The following ZNF385D variants were observed in gnomAD, a reference collection of about 807,000 sequenced individuals.
ZNF385D encodes the protein zinc finger protein 385D, also known as zinc finger protein 659.
Under a neutral mutation model 35.8 loss-of-function variants are expected in ZNF385D, and 15 were observed. The ratio of observed to expected loss-of-function variants is 0.42; its 90% confidence interval spans 0.28 to 0.64. The LOEUF is 0.64. Among genes scored for constraint, ZNF385D ranks in the 30% least tolerant of loss-of-function variants. ZNF385D has a pLI of 0.23. For missense variants in ZNF385D, 474 were observed against 494.6 expected (o/e 0.96, Z 0.39); for synonymous variants, 212 against 186.8 (o/e 1.13, Z -1.10).
At chr3:21,823,885 A>G (rs1483406195) in intron 3 of ZNF385D, among the ~76,000 whole-genome samples, 3 of 152,228 alleles carry the variant, frequency 2.0e-5, no homozygotes, top group African/African-American at 7.2e-5. Context: ...TTGAACGTCA[A>G]TGTATGCTAA....
chr3:22,206,749 A>G (rs2125252874), intron 2 of ZNF385D, among the ~76,000 whole-genome samples: 1 of 152,088 alleles, frequency 6.6e-6, no homozygotes, highest in African/African-American at 2.4e-5. Flanking sequence ...AACACAATAT[A>G]CCAAAACCTA....
At chr3:21,817,204 A>C (rs1218526167) in intron 3 of ZNF385D, among the ~76,000 whole-genome samples, 1 of 152,192 alleles carries the variant, frequency 6.6e-6, no homozygotes, top group East Asian at 1.9e-4. Flanking sequence ...TAAAGACTTA[A>C]ATGTTAGATG....
intron 2 of ZNF385D, among the ~76,000 whole-genome samples, chr3:22,352,002 C>T (rs1326991063): frequency 6.6e-6 from 1 of 152,066 alleles, no homozygotes; most frequent in East Asian, 1.9e-4. Flanking sequence ...GTTCATGTAG[C>T]CAACATAAAA....
chr3:21,898,973 C>T (rs73820178), intron 3 of ZNF385D, among the ~76,000 whole-genome samples: 2,448 of 152,214 alleles, frequency 0.016, 68 homozygotes, highest in African/African-American at 0.056. Flanking sequence ...CCATTTTCCC[C>T]ATTACAAGCA....
chr3:21,579,399 T>C (rs548608070), intron 2 of ZNF385D: 39 of 152,270 alleles, frequency 2.6e-4, no homozygotes, highest in Middle Eastern at 3.4e-3. Flanking sequence ...CAATATACTT[T>C]AATACATAAA....
intron 2 of ZNF385D, among the ~76,000 whole-genome samples, chr3:22,224,392 T>G (rs569452247): frequency 2.6e-5 from 4 of 152,288 alleles, no homozygotes; most frequent in African/African-American, 7.2e-5. Context: ...TCAAATATCT[T>G]TAGTTGAAGT....
intron 2 of ZNF385D, among the ~76,000 whole-genome samples, chr3:21,589,571 T>C (rs73137031): frequency 0.031 from 4,745 of 152,254 alleles, 238 homozygotes; most frequent in African/African-American, 0.11. Context: ...ACTAAGGACA[T>C]TTGTTCATGC....
chr3:22,186,043 G>A (rs888944071), intron 2 of ZNF385D, among the ~76,000 whole-genome samples: 38 of 151,808 alleles, frequency 2.5e-4, no homozygotes, highest in East Asian at 3.9e-4. Context: ...GCACAACTTG[G>A]GACTTTCCTG....
intron 3 of ZNF385D, among the ~76,000 whole-genome samples, chr3:21,937,711 T>G (rs1292384100): frequency 6.6e-6 from 1 of 152,166 alleles, no homozygotes; most frequent in African/African-American, 2.4e-5. Context: ...CAGCTTGATG[T>G]GAACAAGAAA....
At chr3:22,359,638 A>C (rs1282042897) in intron 2 of ZNF385D, among the ~76,000 whole-genome samples, 2 of 151,906 alleles carry the variant, frequency 1.3e-5, no homozygotes, top group African/African-American at 4.8e-5. Flanking sequence ...AAACTCTGAG[A>C]AAACAGCCTT....
intron 2 of ZNF385D, among the ~76,000 whole-genome samples, chr3:22,316,940 T>C (rs565197129): frequency 1.3e-5 from 2 of 152,058 alleles, no homozygotes; most frequent in East Asian, 3.9e-4. Context: ...AGGGGCTCAG[T>C]CTGGAACTTC....
At chr3:21,754,400 G>A (rs770110379), upstream of ZNF385D, among the ~76,000 whole-genome samples, 2 of 151,952 alleles carry the variant, frequency 1.3e-5, no homozygotes, top group Non-Finnish European at 2.9e-5. Flanking sequence ...GTTCATCTGG[G>A]GTCAGCTGTA....
chr3:21,690,034 A>G (rs2067231336), intron 1 of ZNF385D, among the ~76,000 whole-genome samples: 2 of 152,158 alleles, frequency 1.3e-5, no homozygotes, highest in Non-Finnish European at 2.9e-5. Flanking sequence ...ATATGTTAAA[A>G]TGTATGGCAT....
intron 3 of ZNF385D, among the ~76,000 whole-genome samples, chr3:21,878,405 G>T (rs1698093436): frequency 6.6e-6 from 1 of 152,006 alleles, no homozygotes; most frequent in African/African-American, 2.4e-5. Flanking sequence ...TTTCATGAGT[G>T]CTACAGCAGT....
chr3:21,538,527 T>C (rs547176511), intron 3 of ZNF385D, among the ~76,000 whole-genome samples: 12 of 152,246 alleles, frequency 7.9e-5, no homozygotes, highest in Admixed American at 3.3e-4. Flanking sequence ...GTGGAATCTC[T>C]GCTTCCACTG....
At chr3:21,831,588 C>A (rs754903854) in intron 3 of ZNF385D, among the ~76,000 whole-genome samples, 1 of 152,188 alleles carries the variant, frequency 6.6e-6, no homozygotes, top group Non-Finnish European at 1.5e-5. Context: ...TCAATATTTA[C>A]TGAGTTTAAA....
intron 3 of ZNF385D, among the ~76,000 whole-genome samples, chr3:22,111,435 A>G (rs1268232675): frequency 6.6e-6 from 1 of 152,058 alleles, no homozygotes; most frequent in Non-Finnish European, 1.5e-5. Flanking sequence ...GAGCCCTACC[A>G]CAGGGATTGG....
intron 3 of ZNF385D, among the ~76,000 whole-genome samples, chr3:22,116,686 G>A (rs939177060): frequency 1.3e-5 from 2 of 152,024 alleles, no homozygotes; most frequent in Admixed American, 6.6e-5. Flanking sequence ...GAGATTATCA[G>A]ATAAAACCAA....
intron 2 of ZNF385D, among the ~76,000 whole-genome samples, chr3:22,295,402 A>G (rs1228606805): frequency 6.6e-6 from 1 of 152,164 alleles, no homozygotes; most frequent in Non-Finnish European, 1.5e-5. Context: ...ATGCCTCCAA[A>G]GGCTGTGATC....
Sources: allele counts gnomAD v4.1 joint callset (sites outside exome capture counted in the v4.1 genomes callset), GRCh38; gene constraint gnomAD v4.1.1; transcripts MANE v1.5; gene names NCBI Gene and HGNC (gene_info 2026-07-23, HGNC 2026-07-21).